Variants in CDH4 observed in about 807,000 individuals in gnomAD.
The protein encoded by CDH4 is cadherin-4.
In CDH4, 33 loss-of-function variants were observed where a neutral mutation model predicts 86.0. That is an observed-to-expected ratio of 0.38 (90% CI 0.29 to 0.51). The LOEUF (loss-of-function observed/expected upper bound fraction) is 0.51. CDH4 is among the 20% of genes least tolerant of loss of function. CDH4 has a pLI of 0.86. For missense variants in CDH4, 1,114 were observed against 1,307.4 expected (o/e 0.85, Z 2.28); for synonymous variants, 555 against 549.4 (o/e 1.01, Z -0.14).
intron 2 of CDH4, among the ~76,000 whole-genome samples, chr20:61,552,282 CAAAT>C (rs527900321): frequency 1.7e-4 from 26 of 152,154 alleles, no homozygotes; most frequent in African/African-American, 3.9e-4. Flanking sequence ...ATAAAAAACA[CAAAT>C]AACTCAATTT....
intron 7 of CDH4, among the ~76,000 whole-genome samples, chr20:61,881,404 G>T (rs1984269750): frequency 6.6e-6 from 1 of 152,258 alleles, no homozygotes; most frequent in East Asian, 1.9e-4. Context: ...AGCCGTGGCT[G>T]CGGAAGAAAT....
chr20:61,625,053 G>A (rs1010622046), intron 2 of CDH4, among the ~76,000 whole-genome samples: 4 of 152,194 alleles, frequency 2.6e-5, no homozygotes, highest in Admixed American at 1.3e-4. Flanking sequence ...TTTTGTTTCC[G>A]AGTCATGGGG....
intron 2 of CDH4, among the ~76,000 whole-genome samples, chr20:61,508,012 T>A (rs2085753665): frequency 6.6e-6 from 1 of 152,244 alleles, no homozygotes; most frequent in Non-Finnish European, 1.5e-5. Context: ...TGGGGTTGTA[T>A]CCTGCTGTCT....
chr20:61,285,833 G>A lies in CDH4; in HGVS notation c.169+30896G>A, dbSNP rs184653216. 2.3e-3 allele frequency among the ~76,000 whole-genome samples: 356 copies of A among 152,344 alleles called. 3 individuals are homozygous for A. The highest frequency in any genetic ancestry group is 1.4e-3 in the Admixed American group (22 of 15,306). On this transcript the variant is annotated intron_variant, in intron 2 of 15. Coordinates refer to ENST00000614565, the MANE Select transcript of CDH4 (RefSeq NM_001794.5). The stretch of plus-strand genomic sequence containing the variant: ...GGCGCAGACGCCCCTGAAAGCCCAC[G>A]TGGTTCTGGTGATGTTGCCCGGCTC...
intron 2 of CDH4, among the ~76,000 whole-genome samples, chr20:61,733,275 C>A (rs1298774550): frequency 1.3e-5 from 2 of 152,102 alleles, no homozygotes; most frequent in Non-Finnish European, 2.9e-5. Flanking sequence ...ATTTACATGC[C>A]CAGGGGTCTG....
chr20:61,648,766 G>A (rs78093476), intron 2 of CDH4, among the ~76,000 whole-genome samples: 2,617 of 152,250 alleles, frequency 0.017, 31 homozygotes, highest in Admixed American at 0.025. Flanking sequence ...CATGTGTTAC[G>A]GGGATAGCAA....
At chr20:61,291,037 G>A (rs2123183162) in intron 2 of CDH4, among the ~76,000 whole-genome samples, 1 of 152,188 alleles carries the variant, frequency 6.6e-6, no homozygotes, top group Non-Finnish European at 1.5e-5. Context: ...CCCTCGTGGG[G>A]CATCTGTGTG....
In CDH4 at chr20:61,377,397, GC is replaced by G. The variant is rs1009757824; in HGVS notation, c.169+122464del. On this transcript the variant is annotated intron_variant, in intron 2 of 15. Transcript: ENST00000614565. The surrounding 1 kb of genome is among the most constrained non-coding windows in gnomAD (Gnocchi z 4.0). ...AGTTGTGTGGTCCAGGGCTCTGCCG[GC>G]CCCGCCTCCTGGTTGCCCCATTTCC... 1.1e-4 allele frequency among the ~76,000 whole-genome samples: 16 copies of G among 152,048 alleles called. No homozygotes were observed. The highest frequency in any genetic ancestry group is 3.9e-4 in the African/African-American group (16 of 41,398).
intron 2 of CDH4, among the ~76,000 whole-genome samples, chr20:61,368,110 C>G (rs2084820816): frequency 6.6e-6 from 1 of 152,126 alleles, no homozygotes; most frequent in Non-Finnish European, 1.5e-5. Context: ...ACCTCATGAT[C>G]CGCCCGCCTC....
At chr20:61,390,420 G>A (rs111660812) in intron 2 of CDH4, among the ~76,000 whole-genome samples, 292 of 53,250 alleles carry the variant, frequency 5.5e-3, no homozygotes, top group East Asian at 0.012. Context: ...GAGATCGTGC[G>A]GTCATAGGGT....
At position 61,873,742 on chromosome 20, in the gene CDH4, A is replaced by T; in HGVS notation, c.892A>T (p.Thr298Ser). 1 of 1,613,408 alleles carries T rather than the reference A, an allele frequency of 6.2e-7. No homozygotes were observed. Among genetic ancestry groups the T allele is most frequent in the Non-Finnish European group, 8.5e-7 (1 of 1,179,966 alleles). The change falls in exon 7 of 16, where the codon ACC becomes TCC. Residue 298 changes from threonine (T) to serine (S), a missense_variant. Physicochemically the swap from Thr to Ser is moderately conservative, Grantham distance 58. Around this residue, in one of 3 missense-constraint regions of CDH4, gnomAD observed 705 missense variants for 914.1 expected, o/e 0.77. Coordinates refer to ENST00000614565, the MANE Select transcript of CDH4 (RefSeq NM_001794.5). ...EGSKPGTYVM[T>S]VTANDADDST... is the part of the protein sequence containing the mutation. The stretch of plus-strand genomic sequence containing the variant: ...CTCCGTTCCAGGCACCTACGTGATG[A>T]CCGTCACGGCCAACGATGCTGACGA...
Position 61,829,244 on chromosome 20 carries a change from A to G in CDH4, c.577-15424A>G, listed in dbSNP as rs928056198. Among the ~76,000 whole-genome samples, 2 of 152,188 alleles carry G rather than the reference A, an allele frequency of 1.3e-5. No individual in the cohort carries two copies. Among genetic ancestry groups the G allele is most frequent in the Admixed American group, 6.5e-5 (1 of 15,276 alleles). ...TGCCTGTCCTGCATACTTTGTGTCA[A>G]TGGAAGGAGGTATTATGTGGGGTTT... On this transcript the variant is annotated intron_variant, in intron 4 of 15. Transcript: ENST00000614565. This position sits in a 1 kb window ranked among gnomAD's most constrained non-coding sequence, Gnocchi z 4.2.
At chr20:61,686,469 G>T (rs568428743) in intron 2 of CDH4, among the ~76,000 whole-genome samples, 2 of 151,518 alleles carry the variant, frequency 1.3e-5, no homozygotes, top group South Asian at 2.1e-4. Context: ...GTGCATTTGC[G>T]TGTATATGTG....
At chr20:61,463,955 A>G (rs550898227) in intron 2 of CDH4, among the ~76,000 whole-genome samples, 92 of 152,326 alleles carry the variant, frequency 6.0e-4, no homozygotes, top group Middle Eastern at 3.4e-3. Context: ...TCTTGGCCCC[A>G]GGGAAATGAC....
intron 2 of CDH4, among the ~76,000 whole-genome samples, chr20:61,699,112 G>A (rs761406437): frequency 1.4e-4 from 21 of 152,336 alleles, no homozygotes; most frequent in Non-Finnish European, 1.5e-4. Context: ...TTACAGCCTC[G>A]GCCATGGACA....
intron 2 of CDH4, among the ~76,000 whole-genome samples, chr20:61,715,495 A>G (rs183888015): frequency 2.0e-4 from 30 of 152,300 alleles, no homozygotes; most frequent in African/African-American, 6.5e-4. Context: ...GACTCTTACA[A>G]CAAAGCCACT....
intron 2 of CDH4, among the ~76,000 whole-genome samples, chr20:61,668,884 G>T (rs541577414): frequency 1.3e-4 from 20 of 152,314 alleles, no homozygotes; most frequent in African/African-American, 4.8e-4. Context: ...CAGCAGGCCC[G>T]GGTGCCTTCC....
chr20:61,296,547 G>A (rs6071574), intron 2 of CDH4, among the ~76,000 whole-genome samples: 12,355 of 151,740 alleles, frequency 0.081, 842 homozygotes, highest in Admixed American at 0.23. Context: ...CCACAGAAAC[G>A]TCCCCACACA....
In CDH4 at chr20:61,562,470, G is replaced by C. The variant is rs147324623; in HGVS notation, c.170-181093G>C. On this transcript the variant is annotated intron_variant, in intron 2 of 15. Transcript: ENST00000614565. ...GAGAGAGGGGCCTCCGTGTGCAGAG[G>C]TGGTTTGTCGCTTCTTTCATCTTCA... 6.2e-3 allele frequency among the ~76,000 whole-genome samples: 947 copies of C among 152,278 alleles called. 2 individuals carry two copies. The highest frequency in any genetic ancestry group is 9.7e-3 in the Non-Finnish European group (659 of 67,982).
Sources: gnomAD v4.1 joint callset for allele counts (sites outside exome capture counted in the v4.1 genomes callset) on GRCh38, gnomAD v4.1.1 for gene constraint, gnomAD v4.1.1 regional missense constraint, Gnocchi (gnomAD v3.1) non-coding constraint, MANE v1.5 for transcripts, NCBI Gene and HGNC (gene_info 2026-07-23, HGNC 2026-07-21) for gene names.